Variants in LEPR observed in about 807,000 individuals in gnomAD.
LEPR encodes OB receptor.
LEPR carries 56 observed loss-of-function variants against 114.7 expected under a neutral mutation model. That is an observed-to-expected ratio of 0.49 (90% confidence interval 0.39 to 0.61). The LOEUF is 0.61. Ranked by LOEUF, LEPR falls within the 20% of genes least tolerant of loss-of-function variation. LEPR has a pLI of 0.00. For synonymous variants in LEPR, 443 were observed against 461.4 expected, an observed-to-expected ratio of 0.96 and a Z score of 0.51; for missense variants, 1,202 against 1,352.9, an observed-to-expected ratio of 0.89 and a Z score of 1.75.
At chr1:65,542,550 G>A (rs982250581) in intron 2 of LEPR, among the ~76,000 whole-genome samples, 3 of 151,466 alleles carry the variant, frequency 2.0e-5, no homozygotes, top group African/African-American at 7.3e-5. Context: ...TGCCACGGTG[G>A]TTTGCTGCAC....
intron 2 of LEPR, among the ~76,000 whole-genome samples, chr1:65,552,168 A>G (rs928047285): frequency 6.6e-6 from 1 of 152,188 alleles, no homozygotes; most frequent in African/African-American, 2.4e-5. Context: ...GGTGCTGAGA[A>G]GAATGTATAT....
chr1:65,615,151 T>A (rs1227022977), intron 14 of LEPR, among the ~76,000 whole-genome samples: 5 of 152,186 alleles, frequency 3.3e-5, no homozygotes, highest in Non-Finnish European at 7.3e-5. Flanking sequence ...CATGTATATG[T>A]GTTTATTTTT....
Position 65,636,335 on chromosome 1 carries a change from GTC to G in LEPR, c.2824_2825del (p.Leu942ThrfsTer7). The G allele has an allele frequency of 6.2e-7, 1 of 1,614,016 alleles. No homozygotes were observed. The highest frequency in any genetic ancestry group is 1.1e-5 in the South Asian group (1 of 91,078). Reference protein sequence around the residue: ...NKDEMMPTTVVSLLSTTDLEK... With the variant: ...NKDEMMPTTVXSLLSTTDLEK... ...AGATGAGATGATGCCAACAACTGTGGTCTCTCTACTTTCAACAACAGATCTTG... is the reference window on the plus strand; with the variant it reads ...AGATGAGATGATGCCAACAACTGTGGTCTCTACTTTCAACAACAGATCTTG... On this transcript the variant is annotated frameshift_variant, in exon 20 of 20. Transcript: ENST00000349533. LOFTEE classifies it low-confidence loss of function (END_TRUNC).
chr1:65,609,966 C>T lies in LEPR; in HGVS notation c.1772C>T (p.Ala591Val). Residue 591 changes from alanine to valine, a missense_variant, in exon 13 of 20, where the codon GCA (alanine) becomes GTA (valine). Transcript: ENST00000349533. ...VQWKMYEVYD[A>V]KSKSVSLPVP... ...TTACAGATGTATGAGGTTTATGATG[C>T]AAAATCAAAATCTGTCAGTCTCCCA... The T allele has an allele frequency of 6.2e-7, 1 of 1,614,138 alleles. No homozygotes were observed. Among genetic ancestry groups the T allele is most frequent in the Non-Finnish European group, 8.5e-7 (1 of 1,179,988 alleles).
At chr1:65,603,698 G>GTT (rs71736052) in intron 10 of LEPR, among the ~76,000 whole-genome samples, 13 of 135,318 alleles carry the variant, frequency 9.6e-5, no homozygotes, top group South Asian at 2.4e-4. Context: ...TTTGCAACTG[G>GTT]TTTTTTTTTT....
At chr1:65,530,359 G>C (rs544685177) in intron 2 of LEPR, among the ~76,000 whole-genome samples, 2 of 152,296 alleles carry the variant, frequency 1.3e-5, no homozygotes, top group South Asian at 4.1e-4. Context: ...CCAAGAGAGG[G>C]TTCTTGGATC....
intron 2 of LEPR, among the ~76,000 whole-genome samples, chr1:65,481,100 G>T (rs1027678183): frequency 6.6e-6 from 1 of 152,132 alleles, no homozygotes; most frequent in African/African-American, 2.4e-5. Context: ...ATGACTGACT[G>T]CCTTCCTACT....
In LEPR at chr1:65,609,903, A is replaced by G. The variant is rs74733149; in HGVS notation, c.1753-44A>G. On this transcript the variant is annotated intron_variant, in intron 12 of 19. Transcript: ENST00000349533. ...GTACTTCAGGGCCCTTTAGATACATATGTGTTGGTAATGATCAATCTAATG... is the reference window on the plus strand; with the variant it reads ...GTACTTCAGGGCCCTTTAGATACATGTGTGTTGGTAATGATCAATCTAATG... 109,011 of 1,613,510 alleles carry G rather than the reference A, an allele frequency of 0.068. 4,314 individuals carry two copies. The highest frequency in any genetic ancestry group is 0.079 in the Non-Finnish European group (93,581 of 1,179,498).
rs191709370 is a variant in LEPR at position 65,636,020 on chromosome 1, G to A, written c.2674-171G>A. On this transcript the variant is annotated intron_variant, in intron 19 of 19. Coordinates refer to ENST00000349533, the MANE Select transcript of LEPR (RefSeq NM_002303.6). ...ACTTTCAAATGCTATCATCTTAAAC[G>A]GGCTCTTCCTTATGCTTTTTGATAT... Among the ~76,000 whole-genome samples, 43 of 152,182 alleles carry A rather than the reference G, an allele frequency of 2.8e-4. No homozygotes were observed. In the East Asian group the frequency reaches 3.7e-3, roughly 13 times the overall value.
At position 65,488,159 on chromosome 1, in the gene LEPR, CCTTTCTTTCTTTCTTT is replaced by C. The variant is rs71058410; in HGVS notation, c.-21+62820_-21+62835del. ...CCTCCCTCTCCTTCCTTCCTTCCTT[CCTTTCTTTCTTTCTTT>C]CTTTCTTTCTTTCTTTCTTTCTTTC... On this transcript the variant is annotated intron_variant, in intron 2 of 19. Coordinates refer to ENST00000349533, the MANE Select transcript of LEPR (RefSeq NM_002303.6). 5.0e-4 allele frequency among the ~76,000 whole-genome samples: 33 copies of C among 65,480 alleles called. 1 individual carries two copies. Among genetic ancestry groups the C allele is most frequent in the Admixed American group, 1.3e-3 (8 of 6,182 alleles). 43.0% of individuals were successfully genotyped at this position (65,480 alleles called of 152,430 possible). A position where few individuals can be genotyped will look rare whatever the true frequency, so the allele number is the denominator to read the frequency against.
chr1:65,635,017 G>A lies in LEPR; in HGVS notation c.2674-1174G>A, dbSNP rs780104206. 166 of 840,358 alleles carry A rather than the reference G, an allele frequency of 2.0e-4. 2 individuals carry two copies. The highest frequency in any genetic ancestry group is 7.4e-4 in the East Asian group (6 of 8,066). 52.1% of individuals were successfully genotyped at this position (840,358 alleles called of 1,614,324 possible). ...AGTCTATTCCATTATTATATTTTGC[G>A]CTTGGCATATTTATTCCTTTATGCT... On this transcript the variant is annotated intron_variant, in intron 19 of 19. Coordinates refer to ENST00000349533, the MANE Select transcript of LEPR (RefSeq NM_002303.6).
chr1:65,636,129 A>G, intron 19 of LEPR, 62 bp from the exon 20 acceptor site: 1 of 1,576,376 alleles, frequency 6.3e-7, no homozygotes, highest in Non-Finnish European at 8.7e-7. Context: ...TTCTGCCAGT[A>G]TGACATAATG....
In LEPR at chr1:65,639,183, C is replaced by T. The variant is rs1045818950; in HGVS notation, c.*2168C>T. On this transcript the variant is annotated 3_prime_UTR_variant, in exon 20 of 20. Coordinates refer to ENST00000349533, the MANE Select transcript of LEPR (RefSeq NM_002303.6). ...TGAGTGAATTCAACAGTCCCAGGACCACTGTAGTGCTGTAGGTCTGTGTAA... is the reference window on the plus strand; with the variant it reads ...TGAGTGAATTCAACAGTCCCAGGACTACTGTAGTGCTGTAGGTCTGTGTAA... 1 of 152,180 alleles carries T rather than the reference C, an allele frequency of 6.6e-6. No homozygotes were observed. The highest frequency in any genetic ancestry group is 6.5e-5 in the Admixed American group (1 of 15,278). 9.4% of individuals were successfully genotyped at this position (152,180 alleles called of 1,614,324 possible). A position where few individuals can be genotyped will look rare whatever the true frequency, so the allele number is the denominator to read the frequency against.
At chr1:65,456,100 T>C (rs1413856640) in intron 2 of LEPR, among the ~76,000 whole-genome samples, 1 of 152,174 alleles carries the variant, frequency 6.6e-6, no homozygotes, top group African/African-American at 2.4e-5. Context: ...CCCTGACCCC[T>C]TGCGCTTCCC....
intron 2 of LEPR, among the ~76,000 whole-genome samples, chr1:65,462,600 A>T (rs1266173347): frequency 1.3e-5 from 2 of 152,194 alleles, no homozygotes; most frequent in Non-Finnish European, 2.9e-5. Flanking sequence ...GGTTGAACTA[A>T]TTTACACTCC....
chr1:65,579,023 G>A (rs947514911), intron 5 of LEPR, among the ~76,000 whole-genome samples: 1 of 152,110 alleles, frequency 6.6e-6, no homozygotes, highest in South Asian at 2.1e-4. Context: ...CTGATGCCAC[G>A]ACTGATGAAC....
intron 2 of LEPR, chr1:65,432,000 T>C: frequency 6.7e-7 from 1 of 1,488,104 alleles, no homozygotes; most frequent in Non-Finnish European, 8.9e-7. Context: ...CATTTTACTA[T>C]GAAATTTAAT....
intron 7 of LEPR, among the ~76,000 whole-genome samples, chr1:65,596,877 A>T (rs1203281551): frequency 6.6e-6 from 1 of 152,032 alleles, no homozygotes; most frequent in Non-Finnish European, 1.5e-5. Flanking sequence ...ATCTATTTGA[A>T]TGTTTTTCTG....
chr1:65,450,724 C>A lies in LEPR; in HGVS notation c.-21+25346C>A, dbSNP rs576573218. Among the ~76,000 whole-genome samples, 16 of 145,034 alleles carry A rather than the reference C, an allele frequency of 1.1e-4. No homozygotes were observed. In the East Asian group the frequency reaches 1.6e-3, roughly 15 times the overall value. On this transcript the variant is annotated intron_variant, in intron 2 of 19. Transcript: ENST00000349533. ...CAAGTCTTTGCTATTGTGAATAATG[C>A]CGCAATAAACATACGTGTGCATGTG... is the stretch of plus-strand genomic sequence containing the variant.
Sources: gnomAD v4.1 joint callset for allele counts (sites outside exome capture counted in the v4.1 genomes callset) on GRCh38, gnomAD v4.1.1 for gene constraint, MANE v1.5 for transcripts, NCBI Gene and HGNC (gene_info 2026-07-23, HGNC 2026-07-21) for gene names.